EXOC4: variants seen among roughly 807,000 people sequenced by gnomAD.
EXOC4 encodes the protein exocyst complex component 4, also known as SEC8-like 1.
EXOC4 carries 71 observed loss-of-function variants against 107.2 expected under a neutral mutation model. The ratio of observed to expected loss-of-function variants is 0.66; its 90% CI spans 0.55 to 0.81. The LOEUF (loss-of-function observed/expected upper bound fraction) is 0.81. EXOC4 is among the 30% of genes least tolerant of loss of function. The pLI, the probability that EXOC4 is intolerant of heterozygous loss-of-function variation, is 0.00. For missense variants in EXOC4, 1,108 were observed against 1,189.6 expected (o/e 0.93, Z 1.01); for synonymous variants, 456 against 441.2 (o/e 1.03, Z -0.42).
chr7:133,851,640 T>C (rs1798242173), intron 11 of EXOC4, among the ~76,000 whole-genome samples: 1 of 152,116 alleles, frequency 6.6e-6, no homozygotes, highest in Non-Finnish European at 1.5e-5. Flanking sequence ...ATGGTGAACA[T>C]GAGTCTTGTC....
At chr7:134,083,714 A>G in the EXOC4 span, among the ~76,000 whole-genome samples, 21 of 152,322 alleles carry the variant, frequency 1.4e-4, no homozygotes, top group South Asian at 3.9e-3. Flanking sequence ...AGATGTGACC[A>G]GTCCTTTTAA....
intron 9 of EXOC4, among the ~76,000 whole-genome samples, chr7:133,541,317 G>A (rs1800375387): frequency 6.6e-6 from 1 of 152,062 alleles, no homozygotes; most frequent in Non-Finnish European, 1.5e-5. Flanking sequence ...ATTGGTCACT[G>A]TTACCTCTCC....
intron 9 of EXOC4, among the ~76,000 whole-genome samples, chr7:133,514,148 T>C (rs1799826487): frequency 6.6e-6 from 1 of 152,062 alleles, no homozygotes; most frequent in African/African-American, 2.4e-5. Flanking sequence ...ATCCATCTTA[T>C]TGGAACATCG....
intron 9 of EXOC4, among the ~76,000 whole-genome samples, chr7:133,562,955 G>C (rs988028553): frequency 3.3e-5 from 5 of 152,136 alleles, no homozygotes; most frequent in Non-Finnish European, 5.9e-5. Context: ...CTGGTCTGCT[G>C]GGATGACTGT....
intron 5 of EXOC4, among the ~76,000 whole-genome samples, chr7:133,343,474 C>T (rs947871076): frequency 1.3e-5 from 2 of 151,978 alleles, no homozygotes; most frequent in African/African-American, 4.8e-5. Flanking sequence ...ATGGGGTCTC[C>T]CTATGTTGCC....
chr7:133,476,149 A>G (rs562040314), intron 8 of EXOC4, among the ~76,000 whole-genome samples: 1 of 152,316 alleles, frequency 6.6e-6, no homozygotes, highest in Admixed American at 6.5e-5. Flanking sequence ...TAGCAGCAGC[A>G]GTAGTAGCTA....
At chr7:133,617,877 A>C (rs1036245498) in intron 9 of EXOC4, among the ~76,000 whole-genome samples, 5 of 152,190 alleles carry the variant, frequency 3.3e-5, no homozygotes, top group Non-Finnish European at 5.9e-5. Flanking sequence ...AGTGCCCTTA[A>C]GTGGACTAGC....
chr7:133,899,336 A>G (rs1799397241), intron 12 of EXOC4, among the ~76,000 whole-genome samples: 1 of 152,316 alleles, frequency 6.6e-6, no homozygotes, highest in South Asian at 2.1e-4. Flanking sequence ...GCTTGGCACC[A>G]TATTCATCAT....
At chr7:133,824,635 T>A (rs1360382738) in intron 11 of EXOC4, among the ~76,000 whole-genome samples, 1 of 152,166 alleles carries the variant, frequency 6.6e-6, no homozygotes, top group East Asian at 1.9e-4. Context: ...ACAACACAAA[T>A]GTACTCTTGC....
chr7:133,904,764 A>G (rs1179077334), intron 12 of EXOC4, among the ~76,000 whole-genome samples: 2 of 152,240 alleles, frequency 1.3e-5, no homozygotes, highest in Admixed American at 1.3e-4. Context: ...TCAAAGGCAC[A>G]ACACATGCCC....
chr7:133,307,881 A>G (rs1345144565), intron 4 of EXOC4, among the ~76,000 whole-genome samples: 2 of 152,198 alleles, frequency 1.3e-5, no homozygotes, highest in Non-Finnish European at 2.9e-5. Flanking sequence ...ACCAACCACC[A>G]AAATGTATGC....
intron 10 of EXOC4, among the ~76,000 whole-genome samples, chr7:133,781,166 A>G (rs1796458107): frequency 6.6e-6 from 1 of 152,220 alleles, no homozygotes. Context: ...ATCAAGAAGC[A>G]AAATTCCCTT....
chr7:133,523,708 T>C (rs1584976381), intron 9 of EXOC4, among the ~76,000 whole-genome samples: 1 of 152,108 alleles, frequency 6.6e-6, no homozygotes, highest in South Asian at 2.1e-4. Context: ...TTTTTTGTTC[T>C]TGCGATAGTT....
chr7:133,760,947 A>G (rs1442840065), intron 10 of EXOC4, among the ~76,000 whole-genome samples: 1 of 152,198 alleles, frequency 6.6e-6, no homozygotes, highest in Non-Finnish European at 1.5e-5. Flanking sequence ...GTTTATCATT[A>G]TTTGACCCAT....
At chr7:133,657,905 C>G (rs989276798) in intron 10 of EXOC4, among the ~76,000 whole-genome samples, 22 of 152,262 alleles carry the variant, frequency 1.4e-4, no homozygotes, top group African/African-American at 5.3e-4. Flanking sequence ...TGGCTCTGTA[C>G]TAGCCAATAG....
rs866234938 is a variant in EXOC4 at position 133,504,788 on chromosome 7, C to T, written c.1417+24650C>T. Among the ~76,000 whole-genome samples, 156 of 152,068 alleles carry T rather than the reference C, an allele frequency of 1.0e-3. 1 individual carries two copies. Among genetic ancestry groups the T allele is most frequent in the African/African-American group, 3.5e-3 (147 of 41,498 alleles). Reference sequence around the variant, plus strand: ...GGGTAACTGTGTTATTATTGAGTCTCTGGGACTCTTTTCCACTTCCCATCT... The same window carrying T: ...GGGTAACTGTGTTATTATTGAGTCTTTGGGACTCTTTTCCACTTCCCATCT... On this transcript the variant is annotated intron_variant, in intron 9 of 17. Coordinates refer to ENST00000253861, the MANE Select transcript of EXOC4 (RefSeq NM_021807.4).
At position 133,337,387 on chromosome 7, in the gene EXOC4, C is replaced by A. The variant is rs147989928; in HGVS notation, c.764-18943C>A. On this transcript the variant is annotated intron_variant, in intron 5 of 17. Transcript: ENST00000253861. ...TCTGTGAAACCATTTGTGTTTGGTA[C>A]TGTTCAACATTTTCACTTTTTTTCT... 6.4e-3 allele frequency among the ~76,000 whole-genome samples: 973 copies of A among 152,152 alleles called. 10 individuals carry two copies. Among genetic ancestry groups the A allele is most frequent in the African/African-American group, 0.022 (926 of 41,520 alleles).
intron 9 of EXOC4, among the ~76,000 whole-genome samples, chr7:133,507,906 A>G (rs1799695719): frequency 6.6e-6 from 1 of 152,078 alleles, no homozygotes; most frequent in Admixed American, 6.6e-5. Context: ...TACTAAAAAT[A>G]CAAAATTAAC....
At chr7:133,342,245 T>A (rs1324537720) in intron 5 of EXOC4, among the ~76,000 whole-genome samples, 7 of 152,204 alleles carry the variant, frequency 4.6e-5, no homozygotes, top group Non-Finnish European at 8.8e-5. Flanking sequence ...TGGCGAATTC[T>A]CTTAGCATTT....
Sources: allele counts gnomAD v4.1 joint callset (sites outside exome capture counted in the v4.1 genomes callset), GRCh38; gene constraint gnomAD v4.1.1; transcripts MANE v1.5; gene names NCBI Gene and HGNC (gene_info 2026-07-23, HGNC 2026-07-21).